Variants in SNTG1 observed in about 807,000 individuals in gnomAD.
SNTG1 encodes the protein gamma-1-syntrophin.
SNTG1 carries 39 observed loss-of-function variants against 74.7 expected under a neutral mutation model. That is an observed-to-expected ratio of 0.52 (90% CI 0.40 to 0.68). The LOEUF (loss-of-function observed/expected upper bound fraction) is 0.68, where lower values mean the gene tolerates loss of function less well. Ranked by LOEUF, SNTG1 falls within the 30% of genes least tolerant of loss-of-function variation. The probability of loss-of-function intolerance (pLI) is 0.00; values close to 1 mark genes in which losing one functional copy is unlikely to be tolerated. For missense variants in SNTG1, 685 were observed against 609.5 expected (o/e 1.12, Z -1.30); for synonymous variants, 254 against 217.1 (o/e 1.17, Z -1.49).
At chr8:50,385,484 G>C (rs1374056227) in intron 2 of SNTG1, among the ~76,000 whole-genome samples, 1 of 152,134 alleles carries the variant, frequency 6.6e-6, no homozygotes, top group African/African-American at 2.4e-5. Context: ...CCCACTTTCT[G>C]ACACACAAAT....
chr8:50,273,004 A>G (rs1475220081), intron 2 of SNTG1, among the ~76,000 whole-genome samples: 1 of 152,102 alleles, frequency 6.6e-6, no homozygotes, highest in African/African-American at 2.4e-5. Flanking sequence ...TCAGCCACCC[A>G]AAGTGCTGGG....
intron 10 of SNTG1, among the ~76,000 whole-genome samples, chr8:50,536,462 T>C (rs527270192): frequency 1.3e-5 from 2 of 152,338 alleles, no homozygotes; most frequent in South Asian, 4.1e-4. Flanking sequence ...TTAGTCTCAA[T>C]GATTCCTTTC....
intron 1 of SNTG1, among the ~76,000 whole-genome samples, chr8:49,941,978 G>T (rs974395776): frequency 6.6e-6 from 1 of 152,116 alleles, no homozygotes; most frequent in African/African-American, 2.4e-5. Flanking sequence ...TGTTTGACAT[G>T]AAAAGGTATA....
chr8:50,692,336 G>A (rs1468480963), intron 15 of SNTG1, among the ~76,000 whole-genome samples: 1 of 152,010 alleles, frequency 6.6e-6, no homozygotes, highest in Non-Finnish European at 1.5e-5. Context: ...TGATTTTTAG[G>A]GTTTCCAGTT....
chr8:50,636,476 C>T (rs2095039972), intron 13 of SNTG1, among the ~76,000 whole-genome samples: 1 of 152,042 alleles, frequency 6.6e-6, no homozygotes, highest in South Asian at 2.1e-4. Flanking sequence ...ATGTGCAATT[C>T]CCCTGTGGCT....
At chr8:50,049,553 A>C (rs2130867964) in intron 1 of SNTG1, among the ~76,000 whole-genome samples, 1 of 152,196 alleles carries the variant, frequency 6.6e-6, no homozygotes, top group South Asian at 2.1e-4. Context: ...ATATTTGAGC[A>C]CTCATCTCCC....
chr8:50,108,955 G>C (rs1196577549), intron 1 of SNTG1, among the ~76,000 whole-genome samples: 1 of 152,280 alleles, frequency 6.6e-6, no homozygotes, highest in East Asian at 1.9e-4. Context: ...TATGTATATA[G>C]TCTAGGTGGA....
intron 1 of SNTG1, among the ~76,000 whole-genome samples, chr8:49,944,810 T>C (rs1002791448): frequency 1.4e-5 from 2 of 147,982 alleles, no homozygotes; most frequent in Non-Finnish European, 3.0e-5. Context: ...AAAAAAAAGA[T>C]GGAGTTTCCC....
chr8:49,986,330 G>A (rs1813149425), intron 1 of SNTG1, among the ~76,000 whole-genome samples: 1 of 152,088 alleles, frequency 6.6e-6, no homozygotes. Flanking sequence ...TACAGTGTGG[G>A]TGGAGCACTC....
intron 10 of SNTG1, among the ~76,000 whole-genome samples, chr8:50,533,909 T>A (rs182899665): frequency 1.6e-4 from 25 of 152,328 alleles, no homozygotes; most frequent in African/African-American, 5.8e-4. Context: ...CGTACTCATG[T>A]ATTGGTGATT....
intron 1 of SNTG1, among the ~76,000 whole-genome samples, chr8:50,052,017 T>A (rs1227977508): frequency 6.6e-6 from 1 of 152,090 alleles, no homozygotes; most frequent in Non-Finnish European, 1.5e-5. Flanking sequence ...ATGCTTTCCT[T>A]ATCAAAATTT....
chr8:50,444,372 C>T (rs1363645693), intron 5 of SNTG1, among the ~76,000 whole-genome samples: 1 of 152,126 alleles, frequency 6.6e-6, no homozygotes, highest in Admixed American at 6.5e-5. Flanking sequence ...CATTTTTCTG[C>T]ATTCTGCTTC....
intron 9 of SNTG1, 112 bp downstream of exon 9, chr8:50,502,992 T>A: frequency 1.3e-6 from 1 of 782,934 alleles, no homozygotes; most frequent in Non-Finnish European, 2.0e-6. Flanking sequence ...TGCCTGACTG[T>A]AAACATTTTT....
chr8:50,712,911 C>T lies in SNTG1; in HGVS notation c.1284+3933C>T, dbSNP rs140315379. On this transcript the variant is annotated intron_variant, in intron 17 of 18. Transcript: ENST00000642720. The stretch of plus-strand genomic sequence containing the variant: ...CTTGATCCAGTCTATCATTGATGGG[C>T]GTCTAGTTTGGTTCCAAGTCTTTGC... Among the ~76,000 whole-genome samples, 227 of 152,216 alleles carry T rather than the reference C, an allele frequency of 1.5e-3. 1 individual carries two copies. Among genetic ancestry groups the T allele is most frequent in the African/African-American group, 5.1e-3 (210 of 41,550 alleles).
intron 1 of SNTG1, among the ~76,000 whole-genome samples, chr8:50,113,452 G>A (rs1286387671): frequency 1.3e-5 from 2 of 152,188 alleles, no homozygotes; most frequent in Non-Finnish European, 2.9e-5. Flanking sequence ...AGACTTTGCT[G>A]AAGTTGCTTA....
chr8:50,435,344 C>T (rs1020133345), intron 4 of SNTG1, among the ~76,000 whole-genome samples: 32 of 152,098 alleles, frequency 2.1e-4, no homozygotes, highest in Admixed American at 1.4e-3. Context: ...TCCCAAAGGA[C>T]GGTGCTTTGT....
chr8:50,512,333 C>T (rs1200751856), intron 9 of SNTG1, among the ~76,000 whole-genome samples: 1 of 151,910 alleles, frequency 6.6e-6, no homozygotes, highest in Admixed American at 6.6e-5. Context: ...ACCTTTCTCT[C>T]TGGCTGCCCT....
intron 2 of SNTG1, among the ~76,000 whole-genome samples, chr8:50,284,933 A>G (rs2130480398): frequency 6.6e-6 from 1 of 152,158 alleles, no homozygotes; most frequent in South Asian, 2.1e-4. Flanking sequence ...TTTTACTTTT[A>G]AAAGTATTTG....
chr8:50,298,953 A>T (rs2089516848), intron 2 of SNTG1, among the ~76,000 whole-genome samples: 1 of 152,170 alleles, frequency 6.6e-6, no homozygotes, highest in African/African-American at 2.4e-5. Context: ...GGAAGGTTTA[A>T]TTTTTTATAA....
Sources: gnomAD v4.1 joint callset for allele counts (sites outside exome capture counted in the v4.1 genomes callset) on GRCh38, gnomAD v4.1.1 for gene constraint, MANE v1.5 for transcripts, NCBI Gene and HGNC (gene_info 2026-07-23, HGNC 2026-07-21) for gene names.